Variants in NR2E1 observed in about 807,000 individuals in gnomAD.
NR2E1 encodes the protein nuclear receptor TLX.
NR2E1 carries 5 observed loss-of-function variants against 43.6 expected under a neutral mutation model. The observed-to-expected ratio is 0.11, with a 90% CI of 0.06 to 0.24. The LOEUF is 0.24. Among genes scored for constraint, NR2E1 ranks in the 10% least tolerant of loss-of-function variants. The probability of loss-of-function intolerance (pLI) is 1.00; values close to 1 mark genes in which losing one functional copy is unlikely to be tolerated. For missense variants in NR2E1, 287 were observed against 496.7 expected (o/e 0.58, Z 4.01); for synonymous variants, 191 against 195.5 (o/e 0.98, Z 0.19).
intron 2 of NR2E1, among the ~76,000 whole-genome samples, chr6:108,172,839 A>C (rs964729636): frequency 6.6e-6 from 1 of 152,330 alleles, no homozygotes; most frequent in East Asian, 1.9e-4. Flanking sequence ...TAGCCCTGTT[A>C]CCTGTTTAAT....
In NR2E1 at chr6:108,187,827, G is replaced by T; in HGVS notation, c.*364G>T. On this transcript the variant is annotated 3_prime_UTR_variant, in exon 9 of 9. Transcript: ENST00000368986. ...AAGTAGTGCTTTCTCTTCCTTTTTA[G>T]CATACAAAGTTTGGTAACCAAATAT... 6.4e-6 allele frequency: 2 copies of T among 313,458 alleles called. No individual in the cohort carries two copies. The highest frequency in any genetic ancestry group is 8.6e-5 in the Admixed American group (2 of 23,266). 19.4% of individuals were successfully genotyped at this position (313,458 alleles called of 1,614,324 possible).
intron 8 of NR2E1, among the ~76,000 whole-genome samples, chr6:108,183,108 C>G (rs559287022): frequency 6.6e-6 from 1 of 152,268 alleles, no homozygotes; most frequent in South Asian, 2.1e-4. Context: ...CATGCAGGGC[C>G]CACAGGCAGA....
intron 3 of NR2E1, chr6:108,176,280 G>T: frequency 1.7e-6 from 1 of 591,754 alleles, no homozygotes; most frequent in Non-Finnish European, 3.0e-6. Flanking sequence ...CTTTGAGCAC[G>T]GGCCCCTCTT....
rs112720065 is a variant in NR2E1 at position 108,169,920 on chromosome 6, C to A, written c.26-1538C>A. ...AGGTGCTGCCGCGGGGTTGTAATTA[C>A]CCGGCCGAGCCTGGTCGTTACCGAA... On this transcript the variant is annotated intron_variant, in intron 1 of 8. Coordinates refer to ENST00000368986, the MANE Select transcript of NR2E1 (RefSeq NM_003269.5). This position sits in a 1 kb window ranked among gnomAD's most constrained non-coding sequence, Gnocchi z 6.1. Among the ~76,000 whole-genome samples the A allele has an allele frequency of 6.6e-6, 1 of 152,042 alleles. No individual in the cohort carries two copies. Among genetic ancestry groups the A allele is most frequent in the Non-Finnish European group, 1.5e-5 (1 of 67,978 alleles).
intron 8 of NR2E1, among the ~76,000 whole-genome samples, chr6:108,184,360 C>G (rs964918561): frequency 6.6e-6 from 1 of 152,166 alleles, no homozygotes; most frequent in Non-Finnish European, 1.5e-5. Flanking sequence ...CGAGTACTGG[C>G]CACATGCAGG....
chr6:108,185,676 C>A (rs140453474), intron 8 of NR2E1, among the ~76,000 whole-genome samples: 2 of 152,166 alleles, frequency 1.3e-5, no homozygotes, highest in East Asian at 3.8e-4. Flanking sequence ...AGGTATGAGC[C>A]ACCACACCTG....
At position 108,180,414 on chromosome 6, in the gene NR2E1, T is replaced by C. The variant is rs1245271904; in HGVS notation, c.734T>C (p.Val245Ala). The C allele has an allele frequency of 6.3e-7, 1 of 1,599,970 alleles. No individual in the cohort carries two copies. Among genetic ancestry groups the C allele is most frequent in the African/African-American group, 1.3e-5 (1 of 74,804 alleles). Reference protein sequence around the residue: ...IPVDANTLLAVSGMNGDNTDS... With the variant: ...IPVDANTLLAASGMNGDNTDS... ...GTTGATGCTAACACTCTACTGGCTG[T>C]ATCTGGTAAGAATTGCACAATTTAA... Residue 245 changes from valine (V) to alanine (A), a missense_variant, in exon 6 of 9, where the codon GTA (valine) becomes GCA (alanine). Coordinates refer to ENST00000368986, the MANE Select transcript of NR2E1 (RefSeq NM_003269.5). This position sits in a 1 kb window ranked among gnomAD's most constrained non-coding sequence, Gnocchi z 5.4.
Position 108,166,983 on chromosome 6 carries a change from T to C in NR2E1, c.25+193T>C. Reference sequence around the variant, plus strand: ...TCGTGGAGAGGGGAGAGCCGTTTCGTTGCCTCTGGATTGCTTGATCCCCCC... The same window carrying C: ...TCGTGGAGAGGGGAGAGCCGTTTCGCTGCCTCTGGATTGCTTGATCCCCCC... On this transcript the variant is annotated intron_variant, in intron 1 of 8. Coordinates refer to ENST00000368986, the MANE Select transcript of NR2E1 (RefSeq NM_003269.5). The surrounding 1 kb of genome is among the most constrained non-coding windows in gnomAD (Gnocchi z 7.2). 6.6e-6 allele frequency among the ~76,000 whole-genome samples: 1 copy of C among 152,090 alleles called. No homozygotes were observed. Among genetic ancestry groups the C allele is most frequent in the East Asian group, 1.9e-4 (1 of 5,154 alleles).
At chr6:108,185,405 C>CACGT (rs1195130860) in intron 8 of NR2E1, among the ~76,000 whole-genome samples, 1 of 94,202 alleles carries the variant, frequency 1.1e-5, no homozygotes, top group African/African-American at 7.6e-5. Flanking sequence ...CACGCACACA[C>CACGT]ACATACACAC....
chr6:108,175,384 G>T (rs1369120255), intron 3 of NR2E1, among the ~76,000 whole-genome samples: 1 of 152,254 alleles, frequency 6.6e-6, no homozygotes, highest in Admixed American at 6.5e-5. Context: ...GCGAAAACGC[G>T]GAATTTCCAG....
rs1773984197 is a variant in NR2E1, at chr6:108,181,441, G to A, written c.890-105G>A. 4.4e-6 allele frequency: 4 copies of A among 918,936 alleles called. No homozygotes were observed. In the Admixed American group the frequency reaches 6.8e-5, roughly 16 times the overall value. The allele number at this position is 918,936 out of a possible 1,614,324, so 56.9% of individuals were successfully genotyped here. ...ACTGCTGACCTCAAGTGATCCGCCT[G>A]CCTCGGCCTCCCAAAGTGCTGGGAT... is the stretch of plus-strand genomic sequence containing the variant. On this transcript the variant is annotated intron_variant, in intron 7 of 8. Coordinates refer to ENST00000368986, the MANE Select transcript of NR2E1 (RefSeq NM_003269.5).
At position 108,171,561 on chromosome 6, in the gene NR2E1, C is replaced by T. The variant is rs770356982; in HGVS notation, c.129C>T (p.Ser43=). ...CDGCSGFFKR[S]IRRNRTYVCK... is the part of the protein sequence containing the mutation. Reference sequence around the variant, plus strand: ...GCTGCTCAGGTTTTTTCAAACGGAGCATCCGAAGGAATAGGACCTATGTCT... The same window carrying T: ...GCTGCTCAGGTTTTTTCAAACGGAGTATCCGAAGGAATAGGACCTATGTCT... Residue 43 remains serine, a synonymous_variant, in exon 2 of 9, where the codon AGC becomes AGT. Transcript: ENST00000368986. 6.2e-7 allele frequency: 1 copy of T among 1,614,106 alleles called. No individual in the cohort carries two copies. The highest frequency in any genetic ancestry group is 8.5e-7 in the Non-Finnish European group (1 of 1,180,048).
chr6:108,167,958 T>C (rs980251079), intron 1 of NR2E1: 1 of 1,498,360 alleles, frequency 6.7e-7, no homozygotes. Context: ...GTTTTCATTT[T>C]GTTTTGCTTT....
chr6:108,167,037 C>T (rs1018427977), intron 1 of NR2E1, among the ~76,000 whole-genome samples: 3 of 152,032 alleles, frequency 2.0e-5, no homozygotes, highest in Non-Finnish European at 4.4e-5. Flanking sequence ...GGTTACGACC[C>T]GCGCAGCCCA....
chr6:108,187,386 G>C lies in NR2E1; in HGVS notation c.1081G>C (p.Val361Leu). 2 of 1,614,150 alleles carry C rather than the reference G, an allele frequency of 1.2e-6. No individual in the cohort carries two copies. Among genetic ancestry groups the C allele is most frequent in the South Asian group, 1.1e-5 (1 of 91,088 alleles). ...RSISPSTIEEVFFKKTIGNVP... is the reference protein window; with the variant it reads ...RSISPSTIEELFFKKTIGNVP... ...TATTAGCCCATCAACTATAGAAGAA[G>C]TGTTTTTCAAAAAAACCATCGGCAA... The change falls in exon 9 of 9, where the codon GTG becomes CTG. Residue 361 changes from valine to leucine, a missense_variant. By Grantham distance (32) the Val-to-Leu change is conservative. Around this residue, in one of 4 missense-constraint regions of NR2E1, gnomAD observed 119 missense variants for 187.0 expected, o/e 0.64. Coordinates refer to ENST00000368986, the MANE Select transcript of NR2E1 (RefSeq NM_003269.5).
chr6:108,167,930 CT>C, intron 1 of NR2E1: 1 of 1,382,806 alleles, frequency 7.2e-7, no homozygotes, highest in Non-Finnish European at 9.8e-7. Flanking sequence ...TCCTACCCCC[CT>C]CCAAGAAGGA....
intron 1 of NR2E1, among the ~76,000 whole-genome samples, chr6:108,168,319 G>A (rs1773747173): frequency 6.6e-6 from 1 of 151,892 alleles, no homozygotes; most frequent in Admixed American, 6.5e-5. Context: ...CCCGGGACAG[G>A]CCCTCGCCTA....
intron 1 of NR2E1, chr6:108,168,048 G>C (rs865956817): frequency 1.2e-6 from 2 of 1,601,068 alleles, no homozygotes; most frequent in Non-Finnish European, 1.7e-6. Flanking sequence ...TGGGGCAGAG[G>C]GAGCAGAGAA....
At position 108,168,303 on chromosome 6, in the gene NR2E1, G is replaced by T. The variant is rs567326410; in HGVS notation, c.25+1513G>T. 3.4e-5 allele frequency: 27 copies of T among 795,574 alleles called. No individual in the cohort carries two copies. The African/African-American group carries it at 3.9e-4, about 11-fold the overall frequency. The allele number at this position is 795,574 out of a possible 1,614,324, so 49.3% of individuals were successfully genotyped here. A position where few individuals can be genotyped will look rare whatever the true frequency, so the allele number is the denominator to read the frequency against. ...TGGGTCTCGGCAGGCCTCCTAGCTC[G>T]CTCGCCCCGGGACAGGCCCTCGCCT... On this transcript the variant is annotated intron_variant, in intron 1 of 8. Coordinates refer to ENST00000368986, the MANE Select transcript of NR2E1 (RefSeq NM_003269.5).
Sources: gnomAD v4.1 joint callset for allele counts (sites outside exome capture counted in the v4.1 genomes callset) on GRCh38, gnomAD v4.1.1 for gene constraint, gnomAD v4.1.1 regional missense constraint, Gnocchi (gnomAD v3.1) non-coding constraint, MANE v1.5 for transcripts, NCBI Gene and HGNC (gene_info 2026-07-23, HGNC 2026-07-21) for gene names.